Variants in SYDE2 observed in about 807,000 individuals in gnomAD.
SYDE2 encodes synapse defective Rho GTPase homolog 2.
Under a neutral mutation model 91.5 loss-of-function variants are expected in SYDE2, and 76 were observed. The observed-to-expected ratio is 0.83, with a 90% CI of 0.69 to 1.01. The LOEUF (loss-of-function observed/expected upper bound fraction) is 1.01, where lower values mean the gene tolerates loss of function less well. SYDE2 is among the 50% of genes least tolerant of loss of function. The pLI is 0.00. For missense variants in SYDE2, 1,364 were observed against 1,367.7 expected (o/e 1.00, Z 0.04); for synonymous variants, 513 against 506.4 (o/e 1.01, Z -0.18).
At chr1:85,167,178 C>T (rs1570235647) in intron 5 of SYDE2, among the ~76,000 whole-genome samples, 1 of 140,054 alleles carries the variant, frequency 7.1e-6, no homozygotes, top group Non-Finnish European at 1.5e-5. Flanking sequence ...TGCACCACCG[C>T]ACTCCAGCCT....
At chr1:85,184,568 T>C (rs1454403899) in intron 2 of SYDE2, among the ~76,000 whole-genome samples, 2 of 151,938 alleles carry the variant, frequency 1.3e-5, no homozygotes, top group African/African-American at 4.8e-5. Context: ...AAAAATAAAG[T>C]CCACTATGAT....
chr1:85,180,466 C>A (rs1021129200), intron 3 of SYDE2, among the ~76,000 whole-genome samples: 1 of 151,814 alleles, frequency 6.6e-6, no homozygotes, highest in Non-Finnish European at 1.5e-5. Context: ...CCGAGGCAGG[C>A]GGATCACAAG....
downstream of SYDE2, among the ~76,000 whole-genome samples, chr1:85,156,270 G>A (rs1398053264): frequency 1.3e-5 from 2 of 151,958 alleles, no homozygotes; most frequent in African/African-American, 4.8e-5. Flanking sequence ...TTAGGGGCTG[G>A]GCATAGTGGC....
chr1:85,180,721 A>T (rs946866919), intron 3 of SYDE2, among the ~76,000 whole-genome samples: 127 of 152,118 alleles, frequency 8.3e-4, no homozygotes, highest in Non-Finnish European at 8.8e-4. Context: ...TCTACATAAA[A>T]ATGAAAAGCA....
chr1:85,186,331 C>G (rs1432193190), intron 2 of SYDE2, among the ~76,000 whole-genome samples: 1 of 152,026 alleles, frequency 6.6e-6, no homozygotes, highest in East Asian at 1.9e-4. Flanking sequence ...AGGGAGGATT[C>G]CCTCTTTTTC....
rs756769472 is a variant in SYDE2 at position 85,182,753 on chromosome 1, G to T, written c.1889C>A (p.Thr630Lys). The T allele has an allele frequency of 1.2e-6, 2 of 1,613,840 alleles. No homozygotes were observed. The highest frequency in any genetic ancestry group is 1.1e-5 in the South Asian group (1 of 91,076). The stretch of plus-strand genomic sequence containing the variant: ...AGATCCATGTTTGCTAGCTTTAGTT[G>T]TAAGTTCAGGTGAGTCTCCATCACT... ...YLSDGDSPEL[T>K]TKASKHGSEN... Residue 630 changes from threonine (T) to lysine (K), a missense_variant, in exon 3 of 7, where the codon ACA (threonine) becomes AAA (lysine). Transcript: ENST00000341460.
intron 2 of SYDE2, among the ~76,000 whole-genome samples, chr1:85,186,245 G>T (rs1477537013): frequency 6.6e-6 from 1 of 152,128 alleles, no homozygotes; most frequent in East Asian, 1.9e-4. Context: ...AAGGATATTG[G>T]TCTAAAATTC....
intron 5 of SYDE2, among the ~76,000 whole-genome samples, chr1:85,166,185 C>CA (rs1314453759): frequency 6.6e-6 from 1 of 151,550 alleles, no homozygotes; most frequent in Non-Finnish European, 1.5e-5. Flanking sequence ...ACTGAAAATA[C>CA]AAAAAAATAG....
intron 5 of SYDE2, among the ~76,000 whole-genome samples, chr1:85,166,537 A>C (rs1657282753): frequency 6.6e-6 from 1 of 152,172 alleles, no homozygotes; most frequent in African/African-American, 2.4e-5. Context: ...AAGCCAGATT[A>C]CAATGTGCTG....
chr1:85,198,212 C>T (rs574226105), intron 1 of SYDE2, among the ~76,000 whole-genome samples: 6 of 152,212 alleles, frequency 3.9e-5, no homozygotes, highest in Admixed American at 1.3e-4. Context: ...TACACAGGTA[C>T]CAACTGAGTG....
intron 2 of SYDE2, among the ~76,000 whole-genome samples, chr1:85,185,761 T>C (rs1350341901): frequency 1.3e-5 from 2 of 151,572 alleles, no homozygotes; most frequent in African/African-American, 4.8e-5. Flanking sequence ...ACAATTTGAC[T>C]TCCTCTTTTC....
chr1:85,176,083 C>T (rs1557747631), intron 4 of SYDE2, among the ~76,000 whole-genome samples: 1 of 152,088 alleles, frequency 6.6e-6, no homozygotes, highest in East Asian at 1.9e-4. Flanking sequence ...TAAAATTATA[C>T]ATGTTTAACA....
At position 85,200,056 on chromosome 1, in the gene SYDE2, A is replaced by G. The variant is rs551730313; in HGVS notation, c.745+196T>C. On this transcript the variant is annotated intron_variant, in intron 1 of 6. Coordinates refer to ENST00000341460, the MANE Select transcript of SYDE2 (RefSeq NM_032184.2). The stretch of plus-strand genomic sequence containing the variant: ...TGCCATTGTCTGATTAAAAAGAAAA[A>G]AAAAAGCAAAACGAGTAAATGCATT... 72 of 836,132 alleles carry G rather than the reference A, an allele frequency of 8.6e-5. 1 individual carries two copies. The South Asian group carries it at 3.1e-3, about 36-fold the overall frequency. The allele number at this position is 836,132 out of a possible 1,614,324, so 51.8% of individuals were successfully genotyped here.
chr1:85,154,193 C>T (rs1656826531), downstream of SYDE2: 1 of 151,238 alleles, frequency 6.6e-6, no homozygotes. Flanking sequence ...TACCAAAGTA[C>T]CTAAAAATTG....
intron 4 of SYDE2, 47 bp downstream of exon 4, chr1:85,178,099 A>T (rs1288061807): frequency 2.1e-6 from 3 of 1,418,902 alleles, no homozygotes; most frequent in African/African-American, 1.4e-5. Flanking sequence ...TTTCTTGCAG[A>T]TGTAGTCTTT....
intron 3 of SYDE2, among the ~76,000 whole-genome samples, chr1:85,179,819 C>T (rs1221489036): frequency 6.8e-6 from 1 of 147,638 alleles, no homozygotes; most frequent in African/African-American, 2.5e-5. Flanking sequence ...AACGATGTAT[C>T]CCCTTAAACT....
At chr1:85,189,753 C>G (rs1658286021) in intron 2 of SYDE2, among the ~76,000 whole-genome samples, 1 of 152,174 alleles carries the variant, frequency 6.6e-6, no homozygotes, top group Non-Finnish European at 1.5e-5. Context: ...GGAGGATCAC[C>G]TGAGCCTGGA....
chr1:85,158,688 TAAGAA>T lies in SYDE2; in HGVS notation c.*57_*61del, dbSNP rs1049095696. On this transcript the variant is annotated 3_prime_UTR_variant, in exon 7 of 7. Coordinates refer to ENST00000341460, the MANE Select transcript of SYDE2 (RefSeq NM_032184.2). ...AATGAAAACATCGCTGTGGGTGGTATAAGAAAATAAAACAAAAACAGATTTGAAAC... is the reference window on the plus strand; with the variant it reads ...AATGAAAACATCGCTGTGGGTGGTATAATAAAACAAAAACAGATTTGAAAC... The T allele has an allele frequency of 9.3e-6, 6 of 642,252 alleles. No homozygotes were observed. Among genetic ancestry groups the T allele is most frequent in the African/African-American group, 7.4e-5 (4 of 53,802 alleles). 39.8% of individuals were successfully genotyped at this position (642,252 alleles called of 1,614,324 possible).
At chr1:85,193,510 G>A (rs758540209) in intron 1 of SYDE2, among the ~76,000 whole-genome samples, 5 of 152,064 alleles carry the variant, frequency 3.3e-5, no homozygotes, top group Non-Finnish European at 5.9e-5. Context: ...CTTTGAACAT[G>A]TTTCTACTAC....
Sources: gnomAD v4.1 joint callset for allele counts (sites outside exome capture counted in the v4.1 genomes callset) on GRCh38, gnomAD v4.1.1 for gene constraint, MANE v1.5 for transcripts, NCBI Gene and HGNC (gene_info 2026-07-23, HGNC 2026-07-21) for gene names.